The following ABCD2 variants were observed in gnomAD, a reference collection of about 807,000 sequenced individuals.
ABCD2 encodes the protein ATP-binding cassette sub-family D member 2.
A neutral mutation model predicts 70.9 loss-of-function variants in ABCD2; 36 were observed. The ratio of observed to expected loss-of-function variants is 0.51; its 90% CI spans 0.39 to 0.67. The LOEUF is 0.67. Among genes scored for constraint, ABCD2 ranks in the 30% least tolerant of loss-of-function variants. The pLI, the probability that ABCD2 is intolerant of heterozygous loss-of-function variation, is 0.00. For missense variants in ABCD2, 729 were observed against 890.2 expected (o/e 0.82, Z 2.30); for synonymous variants, 304 against 306.9 (o/e 0.99, Z 0.10).
intron 9 of ABCD2, among the ~76,000 whole-genome samples, chr12:39,560,103 T>A (rs1009998509): frequency 4.6e-5 from 7 of 152,224 alleles, no homozygotes; most frequent in African/African-American, 1.4e-4. Flanking sequence ...GTTGGTGTGC[T>A]GCACCCATTA....
At chr12:39,604,980 A>T (rs749292273) in intron 3 of ABCD2, 50 bp from the exon 4 acceptor site, 1 of 1,382,716 alleles carries the variant, frequency 7.2e-7, no homozygotes, top group Non-Finnish European at 9.7e-7. Flanking sequence ...CCAAGACAAT[A>T]TTTTAAATAA....
chr12:39,607,895 C>T (rs1941992293), intron 2 of ABCD2, among the ~76,000 whole-genome samples, 181 bp from the exon 3 acceptor site: 1 of 152,088 alleles, frequency 6.6e-6, no homozygotes, highest in African/African-American at 2.4e-5. Context: ...GGGCTGGGTG[C>T]AGTGGCTCAT....
At chr12:39,539,817 G>T in the ABCD2 span, 1 of 155,968 alleles carries the variant, frequency 6.4e-6, no homozygotes, top group South Asian at 1.9e-4. Flanking sequence ...TACTACTGGG[G>T]GTTCCAGCAG....
At chr12:39,531,571 A>C in the ABCD2 span, among the ~76,000 whole-genome samples, 1 of 152,226 alleles carries the variant, frequency 6.6e-6, no homozygotes, top group South Asian at 2.1e-4. Context: ...AGGAGTTTTT[A>C]ATCTGCTCTC....
At chr12:39,583,920 C>G (rs1442482687) in intron 7 of ABCD2, among the ~76,000 whole-genome samples, 1 of 152,118 alleles carries the variant, frequency 6.6e-6, no homozygotes, top group Non-Finnish European at 1.5e-5. Context: ...TTTATCTAAT[C>G]TGTCATTGAT....
intron 7 of ABCD2, among the ~76,000 whole-genome samples, 175 bp downstream of exon 7, chr12:39,585,977 C>T (rs1039683925): frequency 9.9e-5 from 15 of 152,050 alleles, no homozygotes; most frequent in African/African-American, 2.7e-4. Context: ...TTAAACACAA[C>T]ACAAGCAGAA....
At chr12:39,595,854 C>A (rs1280578233) in intron 6 of ABCD2, among the ~76,000 whole-genome samples, 1 of 152,110 alleles carries the variant, frequency 6.6e-6, no homozygotes, top group Non-Finnish European at 1.5e-5. Context: ...GTGTCACTTA[C>A]TTATAGAGAG....
Position 39,618,799 on chromosome 12 carries a change from C to T in ABCD2, c.817G>A (p.Ala273Thr), listed in dbSNP as rs768974468. ...AGTTTGCCAAATTTGGGAGAACAGG[C>T]TTTTAACACTTTAGCAGTGGCATAC... ...VVYATAKVLKACSPKFGKLVA... is the reference protein window; with the variant it reads ...VVYATAKVLKTCSPKFGKLVA... The change falls in exon 1 of 10, where the codon GCC becomes ACC. Residue 273 changes from alanine to threonine, a missense_variant. Physicochemically the swap from Ala to Thr is moderately conservative, Grantham distance 58 (BLOSUM62 0). This residue lies in a region of ABCD2 where 195 missense variants were observed against 300.2 expected (regional missense o/e 0.65). Transcript: ENST00000308666. 72 of 1,614,096 alleles carry T rather than the reference C, an allele frequency of 4.5e-5. No individual in the cohort carries two copies. The highest frequency in any genetic ancestry group is 6.1e-5 in the Non-Finnish European group (72 of 1,180,040).
At chr12:39,594,723 C>T (rs1447922249) in intron 6 of ABCD2, among the ~76,000 whole-genome samples, 3 of 152,162 alleles carry the variant, frequency 2.0e-5, no homozygotes, top group African/African-American at 7.2e-5. Flanking sequence ...TGTTTAATCC[C>T]AGCACTTTGG....
At chr12:39,603,332 A>G (rs1941925980) in intron 5 of ABCD2, among the ~76,000 whole-genome samples, 1 of 152,118 alleles carries the variant, frequency 6.6e-6, no homozygotes, top group African/African-American at 2.4e-5. Flanking sequence ...TAATGCCTTA[A>G]GTCAGAGAGT....
chr12:39,588,256 C>CA (rs1419274586), intron 6 of ABCD2, among the ~76,000 whole-genome samples: 1 of 152,106 alleles, frequency 6.6e-6, no homozygotes, highest in Non-Finnish European at 1.5e-5. Flanking sequence ...GCAATAAATT[C>CA]AATTGTGGAC....
chr12:39,615,470 A>T (rs931997205), intron 2 of ABCD2, among the ~76,000 whole-genome samples: 1 of 152,026 alleles, frequency 6.6e-6, no homozygotes, highest in African/African-American at 2.4e-5. Context: ...TATGTCTAAA[A>T]TACTATTACT....
At position 39,551,779 on chromosome 12, in the gene ABCD2, A is replaced by G. The variant is rs568724175; in HGVS notation, c.*2133T>C. The G allele has an allele frequency of 6.6e-6, 1 of 151,878 alleles. No homozygotes were observed. The highest frequency in any genetic ancestry group is 2.1e-4 in the South Asian group (1 of 4,828). The allele number at this position is 151,878 out of a possible 1,614,324, so 9.4% of individuals were successfully genotyped here. A position where few individuals can be genotyped will look rare whatever the true frequency, so the allele number is the denominator to read the frequency against. Reference sequence around the variant, plus strand: ...AATACTGACTAATTACAAATCTAATATTTGTTTTGGCATTCTTTTCAATGT... The same window carrying G: ...AATACTGACTAATTACAAATCTAATGTTTGTTTTGGCATTCTTTTCAATGT... On this transcript the variant is annotated 3_prime_UTR_variant, in exon 10 of 10. Coordinates refer to ENST00000308666, the MANE Select transcript of ABCD2 (RefSeq NM_005164.4).
chr12:39,592,108 T>G (rs1286106702), intron 6 of ABCD2, among the ~76,000 whole-genome samples: 1 of 152,168 alleles, frequency 6.6e-6, no homozygotes. Context: ...GGAACTAAAA[T>G]GTACAACTTC....
chr12:39,581,324 A>T (rs1941592613), intron 7 of ABCD2, among the ~76,000 whole-genome samples: 1 of 152,200 alleles, frequency 6.6e-6, no homozygotes, highest in Non-Finnish European at 1.5e-5. Flanking sequence ...TCAATAAAAA[A>T]TATCTGGAGT....
chr12:39,536,403 A>G, the ABCD2 span, among the ~76,000 whole-genome samples: 1 of 152,232 alleles, frequency 6.6e-6, no homozygotes, highest in African/African-American at 2.4e-5. Context: ...GAAGCTCCCA[A>G]ATATGGAAGG....
chr12:39,537,959 G>A, the ABCD2 span, among the ~76,000 whole-genome samples: 2 of 152,130 alleles, frequency 1.3e-5, no homozygotes, highest in African/African-American at 4.8e-5. Context: ...GGGTCTGGAG[G>A]CAGGGAACCT....
chr12:39,556,902 G>A (rs1360613593), intron 9 of ABCD2, among the ~76,000 whole-genome samples: 1 of 151,106 alleles, frequency 6.6e-6, no homozygotes, highest in African/African-American at 2.4e-5. Flanking sequence ...GGAATTGCTT[G>A]AACCCAGGAG....
At chr12:39,581,264 TTAAA>T (rs1941591887) in intron 7 of ABCD2, among the ~76,000 whole-genome samples, 1 of 151,986 alleles carries the variant, frequency 6.6e-6, no homozygotes, top group Admixed American at 6.6e-5. Flanking sequence ...ACTCCAAAAA[TTAAA>T]TAAGCAAAGA....
Sources: allele counts gnomAD v4.1 joint callset (sites outside exome capture counted in the v4.1 genomes callset), GRCh38; gene constraint gnomAD v4.1.1; regional missense constraint gnomAD v4.1.1; transcripts MANE v1.5; gene names NCBI Gene and HGNC (gene_info 2026-07-23, HGNC 2026-07-21).